NALF1: variants seen among roughly 807,000 people sequenced by gnomAD.
NALF1 encodes NALCN channel auxiliary factor 1.
NALF1 carries 3 observed loss-of-function variants against 48.4 expected under a neutral mutation model. That is an observed-to-expected ratio of 0.06 (90% CI 0.03 to 0.16). NALF1 has a LOEUF of 0.16. Among genes scored for constraint, NALF1 ranks in the 10% least tolerant of loss-of-function variants. The pLI is 1.00. For synonymous variants in NALF1, 262 were observed against 245.7 expected (o/e 1.07, Z -0.62); for missense variants, 526 against 571.5 (o/e 0.92, Z 0.81).
chr13:107,325,921 T>TATA (rs1882354645), intron 1 of NALF1, among the ~76,000 whole-genome samples: 1 of 134,514 alleles, frequency 7.4e-6, no homozygotes, highest in African/African-American at 2.7e-5. Flanking sequence ...TATACATATA[T>TATA]CACACATATA....
chr13:107,256,447 G>GAAAATGTC (rs1242281399), intron 1 of NALF1, among the ~76,000 whole-genome samples: 1 of 152,186 alleles, frequency 6.6e-6, no homozygotes, highest in African/African-American at 2.4e-5. Context: ...AAGTGATGGA[G>GAAAATGTC]AAAATGTCAA....
chr13:107,192,110 AAG>A (rs963572567), intron 2 of NALF1, among the ~76,000 whole-genome samples: 4 of 152,206 alleles, frequency 2.6e-5, no homozygotes, highest in Non-Finnish European at 4.4e-5. Flanking sequence ...AGCAACATAA[AAG>A]AGAAATAAGA....
At chr13:107,309,361 C>T (rs770294208) in intron 1 of NALF1, among the ~76,000 whole-genome samples, 21 of 152,180 alleles carry the variant, frequency 1.4e-4, no homozygotes, top group Non-Finnish European at 2.6e-4. Context: ...AGTTTTTGAC[C>T]ACTTGAATTA....
intron 1 of NALF1, among the ~76,000 whole-genome samples, chr13:107,781,675 CAG>C (rs1261348784): frequency 6.6e-6 from 1 of 151,790 alleles, no homozygotes; most frequent in Non-Finnish European, 1.5e-5. Flanking sequence ...GATCCATCCT[CAG>C]GATCTCTTCT....
At chr13:107,673,651 A>G (rs1881042159) in intron 1 of NALF1, among the ~76,000 whole-genome samples, 1 of 152,164 alleles carries the variant, frequency 6.6e-6, no homozygotes, top group Non-Finnish European at 1.5e-5. Flanking sequence ...TAGCAATAAT[A>G]TCTAGTTTCA....
At chr13:107,838,871 C>T (rs191134517) in intron 1 of NALF1, among the ~76,000 whole-genome samples, 2 of 152,250 alleles carry the variant, frequency 1.3e-5, no homozygotes, top group East Asian at 3.9e-4. Flanking sequence ...GACAACAAAT[C>T]CTCTTCTATC....
intron 1 of NALF1, among the ~76,000 whole-genome samples, chr13:107,750,517 T>G (rs1876908495): frequency 6.6e-6 from 1 of 151,724 alleles, no homozygotes; most frequent in African/African-American, 2.4e-5. Flanking sequence ...GTTAGTTTTT[T>G]AAAAGATTGA....
chr13:107,303,056 G>A (rs1175950651), intron 1 of NALF1, among the ~76,000 whole-genome samples: 1 of 152,086 alleles, frequency 6.6e-6, no homozygotes, highest in Non-Finnish European at 1.5e-5. Flanking sequence ...TTTATTTTTT[G>A]TTGTTGTTTG....
chr13:107,269,812 C>CTT, intron 1 of NALF1, among the ~76,000 whole-genome samples: 1 of 129,902 alleles, frequency 7.7e-6, no homozygotes. Flanking sequence ...AAATATGTTT[C>CTT]TTTTTTTTTT....
chr13:107,268,557 A>T (rs1881091056), intron 1 of NALF1, among the ~76,000 whole-genome samples: 6 of 152,208 alleles, frequency 3.9e-5, no homozygotes. Flanking sequence ...CTGTTGGAGG[A>T]ACCTGGGTAA....
At chr13:107,460,870 T>C (rs1594074819) in intron 1 of NALF1, among the ~76,000 whole-genome samples, 1 of 152,216 alleles carries the variant, frequency 6.6e-6, no homozygotes. Context: ...CTCTGACTAA[T>C]GGCAATGTAA....
intron 1 of NALF1, among the ~76,000 whole-genome samples, chr13:107,402,587 T>A (rs1243843840): frequency 6.6e-6 from 1 of 152,220 alleles, no homozygotes; most frequent in African/African-American, 2.4e-5. Context: ...CAGTTATGTA[T>A]GTTGTCACAT....
At chr13:107,839,184 G>C (rs1879981786) in intron 1 of NALF1, among the ~76,000 whole-genome samples, 2 of 151,882 alleles carry the variant, frequency 1.3e-5, no homozygotes, top group African/African-American at 4.8e-5. Context: ...TTAGTGCTTA[G>C]TTTAATTCTA....
intron 1 of NALF1, among the ~76,000 whole-genome samples, chr13:107,857,314 C>A (rs2138647091): frequency 6.6e-6 from 1 of 152,242 alleles, no homozygotes; most frequent in South Asian, 2.1e-4. Flanking sequence ...ACAGAGACAA[C>A]CAACCATAAC....
At chr13:107,770,360 G>T (rs749333426) in intron 1 of NALF1, among the ~76,000 whole-genome samples, 8 of 147,174 alleles carry the variant, frequency 5.4e-5, no homozygotes, top group Non-Finnish European at 1.1e-4. Flanking sequence ...GGGGTAAAAG[G>T]TCAACTCTAA....
chr13:107,206,877 C>T (rs1427985567), intron 2 of NALF1, among the ~76,000 whole-genome samples: 5 of 152,138 alleles, frequency 3.3e-5, no homozygotes, highest in East Asian at 3.8e-4. Context: ...GAAGAATCCT[C>T]GATATCCTAG....
At chr13:107,242,337 A>G (rs1367378667) in intron 1 of NALF1, among the ~76,000 whole-genome samples, 1 of 152,144 alleles carries the variant, frequency 6.6e-6, no homozygotes, top group Non-Finnish European at 1.5e-5. Context: ...TCATGCTGGG[A>G]AGGCCCTTCC....
At chr13:107,572,586 G>A (rs901217157) in intron 1 of NALF1, among the ~76,000 whole-genome samples, 4 of 152,094 alleles carry the variant, frequency 2.6e-5, no homozygotes, top group African/African-American at 9.7e-5. Context: ...ATTAAACTGT[G>A]GCAGGAGAAC....
intron 1 of NALF1, among the ~76,000 whole-genome samples, chr13:107,684,658 C>A (rs558471062): frequency 6.6e-6 from 1 of 152,086 alleles, no homozygotes; most frequent in Non-Finnish European, 1.5e-5. Context: ...CTGGTGGAAC[C>A]CTTTTAATTG....
Sources: gnomAD v4.1 joint callset for allele counts (sites outside exome capture counted in the v4.1 genomes callset) on GRCh38, gnomAD v4.1.1 for gene constraint, MANE v1.5 for transcripts, NCBI Gene and HGNC (gene_info 2026-07-23, HGNC 2026-07-21) for gene names.